Variants in EXOC4 observed in about 807,000 individuals in gnomAD.
EXOC4 encodes the protein exocyst complex component 4.
In EXOC4, 71 loss-of-function variants were observed where a neutral mutation model predicts 107.2. The observed-to-expected ratio is 0.66, with a 90% CI of 0.55 to 0.81. The LOEUF (loss-of-function observed/expected upper bound fraction) is 0.81, where lower values mean the gene tolerates loss of function less well. Ranked by LOEUF, EXOC4 falls within the 30% of genes least tolerant of loss-of-function variation. The pLI, the probability that EXOC4 is intolerant of heterozygous loss-of-function variation, is 0.00. For synonymous variants in EXOC4, 456 were observed against 441.2 expected (o/e 1.03, Z -0.42); for missense variants, 1,108 against 1,189.6 (o/e 0.93, Z 1.01).
chr7:134,092,528 A>G, the EXOC4 span, among the ~76,000 whole-genome samples: 5 of 152,324 alleles, frequency 3.3e-5, no homozygotes, highest in East Asian at 9.6e-4. Flanking sequence ...GAAACCTTAT[A>G]AGCCAGAGGA....
intron 14 of EXOC4, among the ~76,000 whole-genome samples, chr7:133,969,344 A>G (rs1376639597): frequency 2.6e-5 from 4 of 152,186 alleles, no homozygotes; most frequent in Non-Finnish European, 4.4e-5. Flanking sequence ...ACTTCTGTCA[A>G]TTCGCCAAAC....
At chr7:133,700,994 T>C (rs541925585) in intron 10 of EXOC4, among the ~76,000 whole-genome samples, 4 of 152,080 alleles carry the variant, frequency 2.6e-5, no homozygotes, top group Admixed American at 6.5e-5. Flanking sequence ...AAAAAAAATA[T>C]AATGTATTCT....
chr7:133,748,964 C>G (rs778661195), intron 10 of EXOC4, among the ~76,000 whole-genome samples: 3 of 152,196 alleles, frequency 2.0e-5, no homozygotes, highest in Non-Finnish European at 4.4e-5. Context: ...TGCAGACAGG[C>G]CCTTCTTAAG....
intron 17 of EXOC4, among the ~76,000 whole-genome samples, chr7:134,031,175 G>A (rs2116476527): frequency 6.6e-6 from 1 of 152,284 alleles, no homozygotes; most frequent in African/African-American, 2.4e-5. Flanking sequence ...GTGAAGAAAT[G>A]TTCTGAAATT....
At chr7:133,262,380 G>A (rs747208500) in intron 1 of EXOC4, among the ~76,000 whole-genome samples, 4 of 149,568 alleles carry the variant, frequency 2.7e-5, no homozygotes, top group Non-Finnish European at 4.5e-5. Flanking sequence ...TTTTTTTTAT[G>A]TGCTAGGGGT....
At chr7:134,023,799 C>T (rs1455175865) in intron 17 of EXOC4, among the ~76,000 whole-genome samples, 3 of 152,146 alleles carry the variant, frequency 2.0e-5, no homozygotes, top group African/African-American at 7.2e-5. Flanking sequence ...GGAGGGATGG[C>T]AGTGTTTTAT....
intron 17 of EXOC4, among the ~76,000 whole-genome samples, chr7:134,014,137 C>A (rs923602107): frequency 2.6e-5 from 4 of 152,216 alleles, no homozygotes; most frequent in African/African-American, 7.2e-5. Context: ...GGCGCGGTGG[C>A]TCACGCCTGT....
chr7:133,661,704 CA>C (rs1224242365), intron 10 of EXOC4, among the ~76,000 whole-genome samples: 3 of 64,602 alleles, frequency 4.6e-5, no homozygotes, highest in African/African-American at 1.8e-4. Context: ...AAAAAAAAAA[CA>C]AGAATTTTGA....
At chr7:134,001,993 G>A (rs1794540449) in intron 15 of EXOC4, among the ~76,000 whole-genome samples, 1 of 152,162 alleles carries the variant, frequency 6.6e-6, no homozygotes, top group African/African-American at 2.4e-5. Context: ...TCAACAAAGT[G>A]CTACTTCATT....
In EXOC4 at chr7:133,817,556, C is replaced by A; in HGVS notation, c.1734+12C>A. 6.3e-7 allele frequency: 1 copy of A among 1,578,182 alleles called. No homozygotes were observed. The highest frequency in any genetic ancestry group is 8.7e-7 in the Non-Finnish European group (1 of 1,149,634). ...GGCCTCTCCTACAGGTAATAATACA[C>A]TTTGAACTTACTATTTTTATCAGCA... is the stretch of plus-strand genomic sequence containing the variant. On this transcript the variant is annotated intron_variant, in intron 11 of 17. Coordinates refer to ENST00000253861, the MANE Select transcript of EXOC4 (RefSeq NM_021807.4).
intron 10 of EXOC4, among the ~76,000 whole-genome samples, chr7:133,676,961 G>GTGTGTA (rs1554382538): frequency 4.7e-5 from 7 of 149,546 alleles, no homozygotes; most frequent in Admixed American, 3.3e-4. Context: ...GTGTGTATGT[G>GTGTGTA]TGTGTGTGTG....
chr7:133,739,372 A>C (rs1795516054), intron 10 of EXOC4, among the ~76,000 whole-genome samples: 1 of 152,114 alleles, frequency 6.6e-6, no homozygotes, highest in East Asian at 1.9e-4. Context: ...CTTGAAGTTC[A>C]CAAGGCAGGC....
intron 14 of EXOC4, among the ~76,000 whole-genome samples, chr7:133,972,164 G>A (rs901485729): frequency 2.0e-5 from 3 of 152,178 alleles, no homozygotes; most frequent in African/African-American, 4.8e-5. Context: ...AGTATAAAAG[G>A]TATGAACCAT....
chr7:133,535,480 T>C (rs1463233656), intron 9 of EXOC4, among the ~76,000 whole-genome samples: 1 of 152,070 alleles, frequency 6.6e-6, no homozygotes, highest in Non-Finnish European at 1.5e-5. Context: ...GAATCCTAAC[T>C]TCAGTCAAGA....
intron 6 of EXOC4, among the ~76,000 whole-genome samples, chr7:133,370,493 A>G: frequency 6.6e-6 from 1 of 152,130 alleles, no homozygotes; most frequent in East Asian, 1.9e-4. Flanking sequence ...AAAGGAAGCA[A>G]TCAGATACAA....
intron 9 of EXOC4, among the ~76,000 whole-genome samples, chr7:133,546,797 T>G (rs1224679634): frequency 5.3e-5 from 8 of 152,322 alleles, no homozygotes; most frequent in Non-Finnish European, 1.2e-4. Flanking sequence ...TTTATTTATT[T>G]AAAATTTCTA....
intron 14 of EXOC4, among the ~76,000 whole-genome samples, chr7:133,944,699 C>A (rs940027814): frequency 9.9e-5 from 15 of 152,008 alleles, no homozygotes; most frequent in African/African-American, 3.6e-4. Flanking sequence ...TGAATACTTG[C>A]TAAGAAAAAT....
chr7:133,360,394 G>A (rs964355122), intron 6 of EXOC4, among the ~76,000 whole-genome samples: 1 of 152,194 alleles, frequency 6.6e-6, no homozygotes, highest in African/African-American at 2.4e-5. Context: ...TAAATGCAAA[G>A]GCAAAAATTC....
chr7:133,906,923 G>A (rs10225605), intron 12 of EXOC4, among the ~76,000 whole-genome samples: 70,962 of 152,000 alleles, frequency 0.47, 17,869 homozygotes, highest in African/African-American at 0.65. Context: ...TAATAGAACT[G>A]TTACACTCAC....
Sources: allele counts gnomAD v4.1 joint callset (sites outside exome capture counted in the v4.1 genomes callset), GRCh38; gene constraint gnomAD v4.1.1; transcripts MANE v1.5; gene names NCBI Gene and HGNC (gene_info 2026-07-23, HGNC 2026-07-21).